Variants in DNAH5 observed in about 807,000 individuals in gnomAD.
The protein encoded by DNAH5 is dynein axonemal heavy chain 5.
DNAH5 carries 372 observed loss-of-function variants against 518.2 expected under a neutral mutation model. The observed-to-expected ratio is 0.72, with a 90% CI of 0.66 to 0.78. The LOEUF (loss-of-function observed/expected upper bound fraction) is 0.78. Among genes scored for constraint, DNAH5 ranks in the 30% least tolerant of loss-of-function variants. The pLI is 0.00. For synonymous variants in DNAH5, 2,039 were observed against 2,025.9 expected, an observed-to-expected ratio of 1.01 and a Z score of -0.17; for missense variants, 5,523 against 5,687.0, an observed-to-expected ratio of 0.97 and a Z score of 0.93.
chr5:13,825,846 AAATTT>A (rs2151827294), intron 38 of DNAH5, among the ~76,000 whole-genome samples: 1 of 152,336 alleles, frequency 6.6e-6, no homozygotes, highest in South Asian at 2.1e-4. Context: ...TTAAGATAGT[AAATTT>A]AATTTTATAT....
At chr5:13,848,139 A>G (rs1224162714) in intron 31 of DNAH5, among the ~76,000 whole-genome samples, 5 of 152,220 alleles carry the variant, frequency 3.3e-5, no homozygotes, top group Non-Finnish European at 7.3e-5. Flanking sequence ...TTAGACAACA[A>G]TCTTTTTGTC....
intron 1 of DNAH5, among the ~76,000 whole-genome samples, chr5:13,964,210 G>C (rs573437273): frequency 1.3e-5 from 2 of 152,168 alleles, no homozygotes; most frequent in East Asian, 3.9e-4. Flanking sequence ...TGGCACCCCA[G>C]ATAGGACTCA....
chr5:13,783,229 C>A (rs557633571), intron 52 of DNAH5, among the ~76,000 whole-genome samples: 1 of 152,114 alleles, frequency 6.6e-6, no homozygotes, highest in African/African-American at 2.4e-5. Flanking sequence ...GCCTGAAGTG[C>A]CCCCTGGGGT....
intron 78 of DNAH5, among the ~76,000 whole-genome samples, chr5:13,697,116 T>A (rs1741489605): frequency 6.6e-6 from 1 of 152,262 alleles, no homozygotes; most frequent in South Asian, 2.1e-4. Flanking sequence ...GGTTTTTATT[T>A]CATTTTATAT....
At position 13,778,562 on chromosome 5, in the gene DNAH5, G is replaced by GAA. The variant is rs1228904844; in HGVS notation, c.8952-1209_8952-1208dup. ...GAGAAGAAAGAAAGAAAGAAAGAAAGAAAGAAAGAAAGAAAGAAAGAAAGA... is the reference window on the plus strand; with the variant it reads ...GAGAAGAAAGAAAGAAAGAAAGAAAGAAAAAGAAAGAAAGAAAGAAAGAAAGA... On this transcript the variant is annotated intron_variant, in intron 53 of 78. Transcript: ENST00000265104. Among the ~76,000 whole-genome samples, 53 of 67,176 alleles carry GAA rather than the reference G, an allele frequency of 7.9e-4. No individual in the cohort carries two copies. The Middle Eastern group carries it at 0.024, about 30-fold the overall frequency. The allele number at this position is 67,176 out of a possible 152,430, so 44.1% of individuals were successfully genotyped here. A position where few individuals can be genotyped will look rare whatever the true frequency, so the allele number is the denominator to read the frequency against.
At chr5:13,855,208 T>TAATGCCCATACTCTTCAATAG (rs1580603791) in intron 30 of DNAH5, among the ~76,000 whole-genome samples, 1 of 84,644 alleles carries the variant, frequency 1.2e-5, no homozygotes, top group African/African-American at 4.1e-5. Flanking sequence ...TCTTACATTT[T>TAATGCCCATACTCTTCAATAG]TTTTTTTTTT....
At position 13,855,399 on chromosome 5, in the gene DNAH5, G is replaced by A. The variant is rs1164307097; in HGVS notation, c.4950+4053C>T. 6.6e-5 allele frequency among the ~76,000 whole-genome samples: 5 copies of A among 75,706 alleles called. 2 individuals are homozygous for A. In the East Asian group the frequency reaches 8.8e-4, roughly 13 times the overall value. 49.7% of individuals were successfully genotyped at this position (75,706 alleles called of 152,430 possible). A position where few individuals can be genotyped will look rare whatever the true frequency, so the allele number is the denominator to read the frequency against. On this transcript the variant is annotated intron_variant, in intron 30 of 78. Coordinates refer to ENST00000265104, the MANE Select transcript of DNAH5 (RefSeq NM_001369.3). ...AATTTTTTGTATTTTTAGTAGAGAC[G>A]GGGTTTCACCGTTTTAGCCGGGATG...
rs1160342036 is a variant in DNAH5 at position 13,776,706 on chromosome 5, C to T, written c.9106G>A (p.Val3036Ile). The change falls in exon 55 of 79, where the codon GTC (valine) becomes ATC (isoleucine). Residue 3036 changes from valine to isoleucine, a missense_variant and splice_region_variant. Around this residue, in one of 3 missense-constraint regions of DNAH5, gnomAD observed 5,121 missense variants for 5,223.3 expected, o/e 0.98. Transcript: ENST00000265104. ...YMNNVLSSGE[V>I]SNLFARDEID... ...TCATCTCGAGCAAATAGGTTAGAGA[C>T]CTTAAAAAGAAGTACAGGCATGCAA... is the stretch of plus-strand genomic sequence containing the variant. 1 of 1,613,394 alleles carries T rather than the reference C, an allele frequency of 6.2e-7. No individual in the cohort carries two copies. The highest frequency in any genetic ancestry group is 8.5e-7 in the Non-Finnish European group (1 of 1,179,682).
intron 12 of DNAH5, among the ~76,000 whole-genome samples, chr5:13,908,107 CA>C (rs1167845297): frequency 6.6e-6 from 1 of 152,140 alleles, no homozygotes; most frequent in African/African-American, 2.4e-5. Flanking sequence ...CCTGATCCAG[CA>C]AAGCTCCAAA....
chr5:13,788,135 A>G (rs1432209898), intron 51 of DNAH5, among the ~76,000 whole-genome samples: 12 of 152,176 alleles, frequency 7.9e-5, no homozygotes, highest in Non-Finnish European at 1.6e-4. Flanking sequence ...CACATCAGCC[A>G]TCTCATTCCA....
At chr5:13,996,308 G>A (rs1311936299) in intron 1 of DNAH5, among the ~76,000 whole-genome samples, 7 of 151,904 alleles carry the variant, frequency 4.6e-5, no homozygotes, top group East Asian at 1.9e-4. Flanking sequence ...GCATTCTCCC[G>A]CCACCCCCGA....
chr5:13,700,515 T>G, intron 78 of DNAH5, 125 bp downstream of exon 78: 1 of 922,586 alleles, frequency 1.1e-6, no homozygotes, highest in Non-Finnish European at 1.8e-6. Context: ...TGGGTGTGAA[T>G]GTAAAGCTAA....
At chr5:13,829,966 G>T in intron 37 of DNAH5, 60 bp downstream of exon 37, 3 of 1,455,606 alleles carry the variant, frequency 2.1e-6, no homozygotes, top group Non-Finnish European at 2.9e-6. Context: ...TGACCAGGGA[G>T]ATGCATGAAA....
At chr5:13,825,954 T>C (rs1354998836) in intron 38 of DNAH5, among the ~76,000 whole-genome samples, 1 of 152,252 alleles carries the variant, frequency 6.6e-6, no homozygotes, top group Non-Finnish European at 1.5e-5. Flanking sequence ...GACTAGTCAT[T>C]TGGAAGATGG....
Position 13,766,132 on chromosome 5 carries a change from G to C in DNAH5, c.9945C>G (p.Pro3315=). ...DIATVRTLGR[P]PHLIMRIMDC... ...CCATGATCCGCATGATGAGGTGAGG[G>C]GGGCGGCCCAACGTGCGAACAGTGG... Residue 3315 remains proline, a synonymous_variant, in exon 59 of 79, where the codon CCC becomes CCG. Transcript: ENST00000265104. 3 of 1,614,214 alleles carry C rather than the reference G, an allele frequency of 1.9e-6. No individual in the cohort carries two copies. Among genetic ancestry groups the C allele is most frequent in the Non-Finnish European group, 2.5e-6 (3 of 1,180,008 alleles).
In DNAH5 at chr5:13,737,387, A is replaced by T. The variant is rs766646786; in HGVS notation, c.11320T>A (p.Ser3774Thr). The T allele has an allele frequency of 6.2e-7, 1 of 1,613,890 alleles. No homozygotes were observed. Among genetic ancestry groups the T allele is most frequent in the African/African-American group, 1.3e-5 (1 of 74,850 alleles). The stretch of plus-strand genomic sequence containing the variant: ...ATGAGACTTTCATCTTCTACCAGGG[A>T]CCCCTGGGTACTTGTCAGGCGGTAA... ...LLYRLTSTQG[S>T]LVEDESLIVV... is the part of the protein sequence containing the mutation. The change falls in exon 66 of 79, where the codon TCC becomes ACC. Residue 3774 changes from serine to threonine, a missense_variant. Ser to Thr is a moderately conservative substitution (Grantham distance 58, BLOSUM62 1). Coordinates refer to ENST00000265104, the MANE Select transcript of DNAH5 (RefSeq NM_001369.3).
chr5:13,950,322 T>C (rs1178569817), intron 1 of DNAH5, among the ~76,000 whole-genome samples: 1 of 152,080 alleles, frequency 6.6e-6, no homozygotes, highest in Non-Finnish European at 1.5e-5. Flanking sequence ...TTTGCTCTTG[T>C]CTGGAGTGCA....
At chr5:13,929,905 C>A (rs139542271) in intron 2 of DNAH5, among the ~76,000 whole-genome samples, 60 of 152,320 alleles carry the variant, frequency 3.9e-4, no homozygotes, top group African/African-American at 1.4e-3. Flanking sequence ...GGAACAATCT[C>A]CCCAAGTGGC....
At chr5:13,930,165 A>C (rs1252438313) in intron 2 of DNAH5, among the ~76,000 whole-genome samples, 3 of 152,128 alleles carry the variant, frequency 2.0e-5, no homozygotes, top group African/African-American at 7.2e-5. Flanking sequence ...AACTCCTACT[A>C]ACCCCACCAG....
Sources: gnomAD v4.1 joint callset for allele counts (sites outside exome capture counted in the v4.1 genomes callset) on GRCh38, gnomAD v4.1.1 for gene constraint, gnomAD v4.1.1 regional missense constraint, MANE v1.5 for transcripts, NCBI Gene and HGNC (gene_info 2026-07-23, HGNC 2026-07-21) for gene names.